Variants in KLHL29 observed in about 807,000 individuals in gnomAD.
KLHL29 encodes kelch-like protein 29.
Under a neutral mutation model 80.4 loss-of-function variants are expected in KLHL29, and 21 were observed. The observed-to-expected ratio is 0.26, with a 90% CI of 0.19 to 0.38. The LOEUF is 0.38. KLHL29 is among the 10% of genes least tolerant of loss of function. KLHL29 has a pLI of 1.00. For synonymous variants in KLHL29, 511 were observed against 526.8 expected (o/e 0.97, Z 0.41); for missense variants, 867 against 1,223.9 (o/e 0.71, Z 4.35).
chr2:23,404,978 T>G (rs574032026), intron 1 of KLHL29, among the ~76,000 whole-genome samples: 2 of 152,256 alleles, frequency 1.3e-5, no homozygotes, highest in Non-Finnish European at 2.9e-5. Flanking sequence ...GAGTACCTAC[T>G]GTGTGTCAGC....
At chr2:23,623,522 C>T (rs776537699) in intron 3 of KLHL29, among the ~76,000 whole-genome samples, 48 of 152,104 alleles carry the variant, frequency 3.2e-4, no homozygotes, top group Non-Finnish European at 5.9e-4. Flanking sequence ...GAAAATGTAT[C>T]TGGGAGGAAA....
At chr2:23,532,399 G>C (rs1666519312) in intron 2 of KLHL29, among the ~76,000 whole-genome samples, 1 of 152,262 alleles carries the variant, frequency 6.6e-6, no homozygotes, top group African/African-American at 2.4e-5. Context: ...GCTTGAAGCA[G>C]AATGGAGACG....
At chr2:23,578,962 G>T (rs1360935807) in intron 3 of KLHL29, among the ~76,000 whole-genome samples, 1 of 152,190 alleles carries the variant, frequency 6.6e-6, no homozygotes, top group Non-Finnish European at 1.5e-5. Context: ...AGCACTTGCT[G>T]TGCCTCCATG....
At chr2:23,585,275 C>T (rs1251451029) in intron 3 of KLHL29, among the ~76,000 whole-genome samples, 2 of 152,228 alleles carry the variant, frequency 1.3e-5, no homozygotes, top group Non-Finnish European at 2.9e-5. Flanking sequence ...AGATGGATTA[C>T]AGGAGGTGGA....
intron 2 of KLHL29, among the ~76,000 whole-genome samples, chr2:23,483,620 C>T (rs894411066): frequency 6.6e-6 from 1 of 152,232 alleles, no homozygotes; most frequent in Admixed American, 6.5e-5. Flanking sequence ...TATGTTACCT[C>T]CTTCTGTGAC....
intron 3 of KLHL29, among the ~76,000 whole-genome samples, chr2:23,564,962 A>G (rs933326860): frequency 1.3e-5 from 2 of 152,192 alleles, no homozygotes; most frequent in Non-Finnish European, 1.5e-5. Flanking sequence ...ACCGCTTGCT[A>G]TCTGAGTGAC....
chr2:23,698,029 G>C (rs1326007628), intron 11 of KLHL29: 1 of 152,138 alleles, frequency 6.6e-6, no homozygotes, highest in East Asian at 1.9e-4. Context: ...ATAAATATAG[G>C]GATTTGTTCA....
chr2:23,493,927 A>G (rs565677305), intron 2 of KLHL29, among the ~76,000 whole-genome samples: 11 of 152,352 alleles, frequency 7.2e-5, no homozygotes, highest in African/African-American at 2.6e-4. Context: ...AAACTGCTCA[A>G]AATTCCAGCA....
chr2:23,569,216 G>T (rs866668993), intron 3 of KLHL29, among the ~76,000 whole-genome samples: 3 of 152,244 alleles, frequency 2.0e-5, no homozygotes, highest in African/African-American at 7.2e-5. Context: ...CTTTCTCCCT[G>T]TGAAAATCCA....
intron 1 of KLHL29, among the ~76,000 whole-genome samples, chr2:23,421,705 CTG>C (rs761831887): frequency 2.1e-5 from 3 of 145,476 alleles, no homozygotes; most frequent in African/African-American, 7.7e-5. Flanking sequence ...GTATGTGTGA[CTG>C]TGTCTGTTAG....
At chr2:23,433,244 A>C (rs1333870297) in intron 1 of KLHL29, among the ~76,000 whole-genome samples, 1 of 152,252 alleles carries the variant, frequency 6.6e-6, no homozygotes, top group Admixed American at 6.5e-5. Flanking sequence ...CTATGGCAAG[A>C]AACCCCTCCA....
intron 3 of KLHL29, among the ~76,000 whole-genome samples, chr2:23,637,501 T>A (rs546313056): frequency 6.6e-6 from 1 of 152,282 alleles, no homozygotes; most frequent in African/African-American, 2.4e-5. Flanking sequence ...ACCCTTTTCC[T>A]TTGTTTCTTG....
At chr2:23,542,245 A>G (rs970356767) in intron 2 of KLHL29, among the ~76,000 whole-genome samples, 6 of 152,206 alleles carry the variant, frequency 3.9e-5, no homozygotes, top group African/African-American at 1.2e-4. Flanking sequence ...TTTTCGGTAC[A>G]TGTATTTGTT....
chr2:23,702,468 A>G (rs1672461778), intron 11 of KLHL29, among the ~76,000 whole-genome samples: 1 of 152,158 alleles, frequency 6.6e-6, no homozygotes, highest in Admixed American at 6.5e-5. Context: ...TAAGTCGGGG[A>G]CTGTCTGCAC....
intron 2 of KLHL29, among the ~76,000 whole-genome samples, chr2:23,523,166 G>T (rs1403444214): frequency 6.6e-6 from 1 of 152,168 alleles, no homozygotes; most frequent in Non-Finnish European, 1.5e-5. Context: ...AGCAAACCCG[G>T]AACTCAGGAA....
intron 1 of KLHL29, among the ~76,000 whole-genome samples, chr2:23,429,119 C>T (rs528531227): frequency 6.6e-6 from 1 of 152,382 alleles, no homozygotes; most frequent in Admixed American, 6.5e-5. Context: ...CTCCCCAACA[C>T]CAGCCTGCAC....
At chr2:23,493,659 G>A (rs768005085) in intron 2 of KLHL29, among the ~76,000 whole-genome samples, 22 of 152,118 alleles carry the variant, frequency 1.4e-4, no homozygotes, top group Non-Finnish European at 2.6e-4. Flanking sequence ...GTGTGTGTGC[G>A]CGCATGTGTG....
At chr2:23,460,077 A>T (rs938370458) in intron 1 of KLHL29, among the ~76,000 whole-genome samples, 3 of 152,250 alleles carry the variant, frequency 2.0e-5, no homozygotes, top group African/African-American at 7.2e-5. Flanking sequence ...CTGTGTATTT[A>T]TTCAGTTAGC....
At chr2:23,558,302 G>A (rs937570560) in intron 2 of KLHL29, among the ~76,000 whole-genome samples, 2 of 152,154 alleles carry the variant, frequency 1.3e-5, no homozygotes, top group Non-Finnish European at 2.9e-5. Context: ...CTTGGGAGAG[G>A]CGTCTACACT....
Sources: gnomAD v4.1 joint callset for allele counts (sites outside exome capture counted in the v4.1 genomes callset) on GRCh38, gnomAD v4.1.1 for gene constraint, MANE v1.5 for transcripts, NCBI Gene and HGNC (gene_info 2026-07-23, HGNC 2026-07-21) for gene names.